DOCK11: variants seen among roughly 807,000 people sequenced by gnomAD.
The protein encoded by DOCK11 is dedicator of cytokinesis 11.
A neutral mutation model predicts 169.1 loss-of-function variants in DOCK11; 70 were observed. That is an observed-to-expected ratio of 0.41 (90% CI 0.34 to 0.51). DOCK11 has a LOEUF of 0.51. Among genes scored for constraint, DOCK11 ranks in the 20% least tolerant of loss-of-function variants. The pLI, the probability that DOCK11 is intolerant of heterozygous loss-of-function variation, is 0.10. For missense variants in DOCK11, 1,166 were observed against 1,538.8 expected, an observed-to-expected ratio of 0.76 and a Z score of 4.05; for synonymous variants, 529 against 541.3, an observed-to-expected ratio of 0.98 and a Z score of 0.32.
intron 40 of DOCK11, 91 bp downstream of exon 40, chrX:118,643,685 A>C (rs1461352777): frequency 4.0e-6 from 4 of 1,006,434 alleles, no homozygotes; most frequent in Non-Finnish European, 5.5e-6. Context: ...TGACATATAC[A>C]ATGCCAGCTC....
intron 45 of DOCK11, among the ~76,000 whole-genome samples, chrX:118,668,157 T>A (rs751533977): frequency 2.7e-5 from 3 of 112,046 alleles, no homozygotes; most frequent in African/African-American, 9.7e-5. Context: ...TAATGTTGGA[T>A]AGAAGTGGTG....
chrX:118,547,126 A>C (rs765195958), intron 6 of DOCK11, among the ~76,000 whole-genome samples: 2 of 111,973 alleles, frequency 1.8e-5, no homozygotes, highest in African/African-American at 6.5e-5. Flanking sequence ...AACAAGCTAC[A>C]TGAGGATTCT....
intron 6 of DOCK11, among the ~76,000 whole-genome samples, chrX:118,548,469 T>C (rs2012365938): frequency 9.0e-6 from 1 of 111,040 alleles, no homozygotes; most frequent in African/African-American, 3.3e-5. Flanking sequence ...ATTATGCGGG[T>C]GGGCCCAGTG....
intron 14 of DOCK11, among the ~76,000 whole-genome samples, 199 bp downstream of exon 14, chrX:118,580,378 G>A (rs954890391): frequency 2.7e-5 from 3 of 111,638 alleles, no homozygotes; most frequent in Admixed American, 1.9e-4. Flanking sequence ...GTGCAGTGGC[G>A]CGATCTCGGC....
chrX:118,614,797 G>A (rs776071981), intron 29 of DOCK11, 22 bp downstream of exon 29: 99 of 1,016,905 alleles, frequency 9.7e-5, no homozygotes, highest in Non-Finnish European at 1.3e-4. Context: ...GGACATGATT[G>A]TAGTGGATGT....
chrX:118,653,026 C>T (rs371064944), intron 42 of DOCK11, among the ~76,000 whole-genome samples: 3 of 111,929 alleles, frequency 2.7e-5, no homozygotes, highest in Admixed American at 1.9e-4. Flanking sequence ...CTACTAGTTC[C>T]GCAGGGGATC....
At chrX:118,600,964 CGAGT>C (rs1308441908) in intron 23 of DOCK11, among the ~76,000 whole-genome samples, 1 of 110,591 alleles carries the variant, frequency 9.0e-6, no homozygotes, top group African/African-American at 3.3e-5. Flanking sequence ...GAATTTACTC[CGAGT>C]GAGATAGGAA....
chrX:118,618,646 A>T lies in DOCK11; in HGVS notation c.3389A>T (p.Asn1130Ile). 8.3e-7 allele frequency: 1 copy of T among 1,208,245 alleles called. No individual in the cohort carries two copies. Among genetic ancestry groups the T allele is most frequent in the Non-Finnish European group, 1.1e-6 (1 of 892,756 alleles). ...LRETSIALQD[N>I]YEIRYTAISV... ...GAAACTTCCATTGCTCTTCAGGACA[A>T]TTATGAGATCAGATATACAGCTATC... Residue 1130 changes from asparagine (N) to isoleucine (I), a missense_variant, in exon 31 of 53, where the codon AAT (asparagine) becomes ATT (isoleucine). Physicochemically the swap from Asn to Ile is moderately radical, Grantham distance 149 (BLOSUM62 -3). Transcript: ENST00000276202.
At chrX:118,629,640 C>A (rs1475963663) in intron 34 of DOCK11, among the ~76,000 whole-genome samples, 1 of 109,306 alleles carries the variant, frequency 9.1e-6, no homozygotes, top group Non-Finnish European at 1.9e-5. Context: ...ATAATTAGCC[C>A]ATTTTTTAAT....
intron 48 of DOCK11, among the ~76,000 whole-genome samples, chrX:118,677,083 G>T (rs1298046907): frequency 1.8e-5 from 2 of 111,921 alleles, no homozygotes; most frequent in Admixed American, 9.5e-5. Context: ...TACATAAAAA[G>T]CATTCACTAA....
chrX:118,534,193 C>T (rs1250743129), intron 1 of DOCK11, among the ~76,000 whole-genome samples: 1 of 112,219 alleles, frequency 8.9e-6, no homozygotes, highest in Non-Finnish European at 1.9e-5. Flanking sequence ...GAATTCAAAT[C>T]AGCTTTCCTA....
At chrX:118,641,659 T>C (rs2147514600) in intron 39 of DOCK11, among the ~76,000 whole-genome samples, 1 of 111,927 alleles carries the variant, frequency 8.9e-6, no homozygotes, top group South Asian at 3.7e-4. Context: ...TGAGATGTCC[T>C]GTCAGGGTAG....
intron 1 of DOCK11, among the ~76,000 whole-genome samples, chrX:118,534,666 C>T (rs902891594): frequency 4.5e-5 from 5 of 112,114 alleles, no homozygotes; most frequent in African/African-American, 1.6e-4. Context: ...CTGAAAGCAT[C>T]AGCAACAACT....
chrX:118,669,522 TG>T lies in DOCK11; in HGVS notation c.5077-1499del, dbSNP rs1273674938. Among the ~76,000 whole-genome samples, 20 of 111,635 alleles carry T rather than the reference TG, an allele frequency of 1.8e-4. No homozygotes were observed. The East Asian group carries it at 5.7e-3, about 32-fold the overall frequency. ...ATCTTCTCACTGTGCCCTTACGTGA[TG>T]GAAGGGGGTGAGCTAACTCTCTTTT... On this transcript the variant is annotated intron_variant, in intron 45 of 52. Coordinates refer to ENST00000276202, the MANE Select transcript of DOCK11 (RefSeq NM_144658.4).
chrX:118,657,337 TA>T (rs200463685), intron 44 of DOCK11, among the ~76,000 whole-genome samples: 2 of 111,578 alleles, frequency 1.8e-5, no homozygotes, highest in African/African-American at 3.2e-5. Context: ...TTTTGAATGT[TA>T]AAAAAAATGA....
chrX:118,575,843 C>T (rs2013427639), intron 12 of DOCK11, among the ~76,000 whole-genome samples: 1 of 112,412 alleles, frequency 8.9e-6, no homozygotes, highest in Admixed American at 9.4e-5. Context: ...GTGTGTAGCA[C>T]TCAGCTGTAT....
At chrX:118,551,778 G>C (rs902050462) in intron 6 of DOCK11, among the ~76,000 whole-genome samples, 2 of 111,663 alleles carry the variant, frequency 1.8e-5, no homozygotes, top group African/African-American at 6.5e-5. Context: ...ATAGGTCTGA[G>C]TTGTTTTGCT....
chrX:118,560,386 A>T (rs1211121213), intron 6 of DOCK11, among the ~76,000 whole-genome samples: 1 of 111,696 alleles, frequency 9.0e-6, no homozygotes, highest in African/African-American at 3.3e-5. Flanking sequence ...ATTAAAAATG[A>T]CCAGCTTAAA....
chrX:118,506,198 T>C (rs1483076345), intron 1 of DOCK11, among the ~76,000 whole-genome samples: 1 of 108,341 alleles, frequency 9.2e-6, no homozygotes, highest in Non-Finnish European at 1.9e-5. Context: ...GAGGCTGCAG[T>C]GAGCCTTGAT....
Sources: allele counts gnomAD v4.1 joint callset (sites outside exome capture counted in the v4.1 genomes callset), GRCh38; gene constraint gnomAD v4.1.1; transcripts MANE v1.5; gene names NCBI Gene and HGNC (gene_info 2026-07-23, HGNC 2026-07-21).